CCSER1: variants seen among roughly 807,000 people sequenced by gnomAD.
The protein encoded by CCSER1 is coiled-coil serine rich protein 1, also known as serine-rich coiled-coil domain-containing protein 1.
Under a neutral mutation model 82.0 loss-of-function variants are expected in CCSER1, and 41 were observed. The ratio of observed to expected loss-of-function variants is 0.50; its 90% CI spans 0.39 to 0.65. The LOEUF is 0.65. Among genes scored for constraint, CCSER1 ranks in the 30% least tolerant of loss-of-function variants. The pLI, the probability that CCSER1 is intolerant of heterozygous loss-of-function variation, is 0.00. For synonymous variants in CCSER1, 414 were observed against 383.9 expected (o/e 1.08, Z -0.92); for missense variants, 1,119 against 1,064.2 (o/e 1.05, Z -0.72).
intron 1 of CCSER1, among the ~76,000 whole-genome samples, chr4:90,199,906 A>G (rs1737333734): frequency 6.6e-6 from 1 of 152,154 alleles, no homozygotes; most frequent in South Asian, 2.1e-4. Flanking sequence ...TTCGCTAAAG[A>G]AGTTTGCCCA....
chr4:90,585,379 G>A (rs1781886322), intron 5 of CCSER1, among the ~76,000 whole-genome samples: 1 of 152,056 alleles, frequency 6.6e-6, no homozygotes, highest in South Asian at 2.1e-4. Flanking sequence ...CATTCCACAT[G>A]ATAGTTAAAT....
At chr4:90,789,211 C>T (rs894396157) in intron 7 of CCSER1, among the ~76,000 whole-genome samples, 1 of 152,106 alleles carries the variant, frequency 6.6e-6, no homozygotes, top group Admixed American at 6.6e-5. Context: ...CAGTGACTTA[C>T]TTTTTTAATA....
intron 1 of CCSER1, among the ~76,000 whole-genome samples, chr4:90,282,896 A>G (rs1345935565): frequency 6.6e-6 from 1 of 151,924 alleles, no homozygotes; most frequent in Non-Finnish European, 1.5e-5. Context: ...GATGCTGATG[A>G]GAGTTTTCTA....
chr4:90,232,869 A>G (rs1292054509), intron 1 of CCSER1, among the ~76,000 whole-genome samples: 1 of 151,874 alleles, frequency 6.6e-6, no homozygotes, highest in Non-Finnish European at 1.5e-5. Flanking sequence ...AACCACATGA[A>G]AAAATGCTCA....
rs114647337 is a variant in CCSER1 at position 90,400,792 on chromosome 4, C to T, written c.1603+663C>T. ...AAAGTTGGTTATAGGAATTATTGGTCGTCCATTCAAATTTAGATATTTGAC... is the reference window on the plus strand; with the variant it reads ...AAAGTTGGTTATAGGAATTATTGGTTGTCCATTCAAATTTAGATATTTGAC... On this transcript the variant is annotated intron_variant, in intron 4 of 10. Transcript: ENST00000509176. Among the ~76,000 whole-genome samples the T allele has an allele frequency of 2.4e-3, 364 of 152,176 alleles. 7 individuals carry two copies. Among genetic ancestry groups the T allele is most frequent in the African/African-American group, 8.6e-3 (359 of 41,526 alleles).
intron 8 of CCSER1, among the ~76,000 whole-genome samples, chr4:90,920,887 T>G (rs1214656806): frequency 1.3e-5 from 2 of 151,868 alleles, no homozygotes; most frequent in African/African-American, 2.4e-5. Flanking sequence ...TTCTGTATAC[T>G]GAAATAAACT....
Position 91,105,458 on chromosome 4 carries a change from C to T in CCSER1, c.2217+19464C>T, listed in dbSNP as rs537849663. On this transcript the variant is annotated intron_variant, in intron 10 of 10. Transcript: ENST00000509176. ...CAGTGGCTCATGCCTGTAATCCCAG[C>T]ACTTTGGGAGGCAGAGGTGGGCGGA... Among the ~76,000 whole-genome samples the T allele has an allele frequency of 3.3e-5, 5 of 151,894 alleles. No homozygotes were observed. In the South Asian group the frequency reaches 1.0e-3, roughly 32 times the overall value.
At chr4:91,560,759 G>A (rs1762618996) in intron 10 of CCSER1, among the ~76,000 whole-genome samples, 1 of 151,394 alleles carries the variant, frequency 6.6e-6, no homozygotes, top group East Asian at 1.9e-4. Context: ...AATTTGACCA[G>A]AGTTTTAAGC....
chr4:90,514,631 C>T (rs1041029551), intron 5 of CCSER1, among the ~76,000 whole-genome samples: 6 of 151,910 alleles, frequency 3.9e-5, no homozygotes, highest in African/African-American at 7.2e-5. Context: ...TGGCAGGTGC[C>T]GGTAATCTCT....
chr4:91,380,381 TAA>T (rs1204704666), intron 10 of CCSER1, among the ~76,000 whole-genome samples: 3 of 152,302 alleles, frequency 2.0e-5, no homozygotes, highest in African/African-American at 7.2e-5. Flanking sequence ...TGTGGGAGTC[TAA>T]GTCTCTTTGT....
intron 5 of CCSER1, among the ~76,000 whole-genome samples, chr4:90,591,487 A>G (rs138665971): frequency 2.6e-5 from 4 of 152,334 alleles, no homozygotes; most frequent in Admixed American, 1.3e-4. Flanking sequence ...ACAATGAGAT[A>G]CCATCTCATG....
At chr4:91,361,083 G>C (rs1366311139) in intron 10 of CCSER1, among the ~76,000 whole-genome samples, 2 of 142,900 alleles carry the variant, frequency 1.4e-5, no homozygotes, top group African/African-American at 5.0e-5. Context: ...TATCACAGAG[G>C]GGGAGGAAAT....
intron 10 of CCSER1, among the ~76,000 whole-genome samples, chr4:91,403,767 C>G (rs931179006): frequency 6.6e-6 from 1 of 152,114 alleles, no homozygotes; most frequent in Non-Finnish European, 1.5e-5. Flanking sequence ...CATGGATAAG[C>G]TTTTTGATGG....
intron 9 of CCSER1, among the ~76,000 whole-genome samples, chr4:91,081,024 T>C (rs955915338): frequency 6.6e-6 from 1 of 152,034 alleles, no homozygotes; most frequent in African/African-American, 2.4e-5. Context: ...TTCCAATCAA[T>C]AGAAAAAGAG....
chr4:91,215,831 A>G (rs1452015494), intron 10 of CCSER1, among the ~76,000 whole-genome samples: 2 of 152,172 alleles, frequency 1.3e-5, no homozygotes, highest in South Asian at 2.1e-4. Flanking sequence ...ATGATGATCT[A>G]TGCTATTATT....
chr4:90,234,247 G>A (rs1184687971), intron 1 of CCSER1, among the ~76,000 whole-genome samples: 15 of 147,666 alleles, frequency 1.0e-4, no homozygotes, highest in South Asian at 2.1e-4. Context: ...ATGGTGTCTC[G>A]CTCTTGTCAC....
chr4:90,366,390 T>G (rs897224853), intron 3 of CCSER1, among the ~76,000 whole-genome samples: 1 of 151,786 alleles, frequency 6.6e-6, no homozygotes, highest in South Asian at 2.1e-4. Context: ...TAACAATTCA[T>G]AAGTGTATAA....
intron 10 of CCSER1, among the ~76,000 whole-genome samples, chr4:91,272,890 G>T (rs1169710840): frequency 6.6e-6 from 1 of 152,010 alleles, no homozygotes; most frequent in Non-Finnish European, 1.5e-5. Flanking sequence ...GCTTTGTCAA[G>T]GATTGGTTGG....
chr4:90,808,822 ATAT>A (rs1453104270), intron 7 of CCSER1, among the ~76,000 whole-genome samples: 1 of 152,198 alleles, frequency 6.6e-6, no homozygotes, highest in Non-Finnish European at 1.5e-5. Flanking sequence ...CCTCTGGAAA[ATAT>A]TATGGAGATT....
Sources: gnomAD v4.1 joint callset for allele counts (sites outside exome capture counted in the v4.1 genomes callset) on GRCh38, gnomAD v4.1.1 for gene constraint, MANE v1.5 for transcripts, NCBI Gene and HGNC (gene_info 2026-07-23, HGNC 2026-07-21) for gene names.